Variants in DCT observed in about 807,000 individuals in gnomAD.
DCT encodes the protein L-dopachrome tautomerase.
In DCT, 47 loss-of-function variants were observed where a neutral mutation model predicts 53.0. That is an observed-to-expected ratio of 0.89 (90% CI 0.70 to 1.13). DCT has a LOEUF of 1.13. DCT is among the 50% of genes most tolerant of loss of function. DCT has a pLI of 0.00. For missense variants in DCT, 669 were observed against 637.4 expected (o/e 1.05, Z -0.53); for synonymous variants, 244 against 237.0 (o/e 1.03, Z -0.27).
At chr13:94,484,334 G>A (rs1375819302), upstream of DCT, among the ~76,000 whole-genome samples, 1 of 152,224 alleles carries the variant, frequency 6.6e-6, no homozygotes, top group East Asian at 1.9e-4. Flanking sequence ...CCTTTAGGGA[G>A]AGTCAAGAAG....
At chr13:94,521,866 T>A in the DCT span, among the ~76,000 whole-genome samples, 4 of 152,298 alleles carry the variant, frequency 2.6e-5, no homozygotes, top group African/African-American at 9.6e-5. Flanking sequence ...ATTTGCATTA[T>A]TATAAAAAGA....
At chr13:94,483,215 A>G (rs1351075882), upstream of DCT, among the ~76,000 whole-genome samples, 1 of 151,610 alleles carries the variant, frequency 6.6e-6, no homozygotes, top group Non-Finnish European at 1.5e-5. Context: ...TTGAGGCTAC[A>G]AGTGAGCCGT....
At chr13:94,535,713 G>C in the DCT span, among the ~76,000 whole-genome samples, 5 of 152,176 alleles carry the variant, frequency 3.3e-5, no homozygotes, top group Non-Finnish European at 7.3e-5. Flanking sequence ...TCCTGGGCAG[G>C]TGCAAATGGG....
the DCT span, among the ~76,000 whole-genome samples, chr13:94,496,834 A>G: frequency 2.0e-5 from 3 of 152,162 alleles, no homozygotes; most frequent in Non-Finnish European, 4.4e-5. Context: ...AGGCTCTGGA[A>G]ATAGTGTCTA....
intron 4 of DCT, among the ~76,000 whole-genome samples, chr13:94,464,661 C>A (rs9670826): frequency 0.17 from 25,477 of 148,464 alleles, 2,267 homozygotes; most frequent in Non-Finnish European, 0.19. Context: ...AAACAAAAAA[C>A]AAAAAACAAA....
intron 3 of DCT, among the ~76,000 whole-genome samples, chr13:94,466,145 G>T (rs1884206927): frequency 6.7e-6 from 1 of 150,296 alleles, no homozygotes; most frequent in Non-Finnish European, 1.5e-5. Flanking sequence ...GAAAAACACT[G>T]CACTATCTCA....
the DCT span, among the ~76,000 whole-genome samples, chr13:94,488,950 C>T: frequency 6.6e-6 from 1 of 151,834 alleles, no homozygotes; most frequent in African/African-American, 2.4e-5. Context: ...TATGTTTATG[C>T]TAACATGTAC....
chr13:94,459,785 T>C (rs1883660534), intron 6 of DCT, among the ~76,000 whole-genome samples: 1 of 152,186 alleles, frequency 6.6e-6, no homozygotes, highest in Non-Finnish European at 1.5e-5. Flanking sequence ...CTACTGAACC[T>C]CAACAATACT....
chr13:94,485,003 G>T, the DCT span, among the ~76,000 whole-genome samples: 36 of 152,126 alleles, frequency 2.4e-4, no homozygotes, highest in Non-Finnish European at 3.5e-4. Flanking sequence ...CTACACATTT[G>T]GTTGACCCGT....
intron 6 of DCT, among the ~76,000 whole-genome samples, chr13:94,457,851 T>C (rs9301959): frequency 0.49 from 74,635 of 151,910 alleles, 19,660 homozygotes; most frequent in African/African-American, 0.67. Context: ...AAATCTCTTA[T>C]GACAACTTGA....
In DCT at chr13:94,479,170, C is replaced by A; in HGVS notation, c.86G>T (p.Cys29Phe). 1 of 1,613,604 alleles carries A rather than the reference C, an allele frequency of 6.2e-7. No individual in the cohort carries two copies. The highest frequency in any genetic ancestry group is 1.1e-5 in the South Asian group (1 of 91,074). ...GTTCACTAGGCTGTCCACCGTCATG[C>A]AGACTCGGGGGAACTGACCCTGGGC... ...PGAQGQFPRV[C>F]MTVDSLVNKE... Residue 29 changes from cysteine to phenylalanine, a missense_variant, in exon 1 of 8, where the codon TGC (cysteine) becomes TTC (phenylalanine). Coordinates refer to ENST00000377028, the MANE Select transcript of DCT (RefSeq NM_001922.5).
At chr13:94,476,367 G>A (rs1885085669) in intron 1 of DCT, among the ~76,000 whole-genome samples, 1 of 150,902 alleles carries the variant, frequency 6.6e-6, no homozygotes, top group East Asian at 1.9e-4. Context: ...TGAAGAAGCT[G>A]GTAACAAAAA....
At chr13:94,518,144 AG>A in the DCT span, among the ~76,000 whole-genome samples, 210 of 146,678 alleles carry the variant, frequency 1.4e-3, 1 homozygote, top group African/African-American at 5.4e-3. Context: ...GAAGGAAGGA[AG>A]GAAGGAAGGA....
the DCT span, among the ~76,000 whole-genome samples, chr13:94,547,331 G>A: frequency 3.3e-5 from 5 of 151,848 alleles, no homozygotes; most frequent in African/African-American, 1.2e-4. Flanking sequence ...TGGCCAGGCT[G>A]GTCTCAAACT....
the DCT span, among the ~76,000 whole-genome samples, chr13:94,502,494 C>T: frequency 6.6e-6 from 1 of 152,162 alleles, no homozygotes; most frequent in Non-Finnish European, 1.5e-5. Flanking sequence ...GCTCTTTTTC[C>T]ATTTAATCCT....
chr13:94,545,171 A>G, the DCT span, among the ~76,000 whole-genome samples: 1,572 of 152,196 alleles, frequency 0.01, 28 homozygotes, highest in African/African-American at 0.036. Flanking sequence ...ATTAGAGCAC[A>G]TCACGCTTCA....
the DCT span, among the ~76,000 whole-genome samples, chr13:94,548,159 A>T: frequency 6.6e-6 from 1 of 151,780 alleles, no homozygotes; most frequent in Non-Finnish European, 1.5e-5. Flanking sequence ...TTTAGGAGGT[A>T]GCAATGTTAG....
At chr13:94,485,104 C>T in the DCT span, among the ~76,000 whole-genome samples, 1 of 139,458 alleles carries the variant, frequency 7.2e-6, no homozygotes, top group African/African-American at 2.7e-5. Flanking sequence ...CAAACAAAAG[C>T]GTCTCACTCT....
chr13:94,546,820 C>T, the DCT span, among the ~76,000 whole-genome samples: 2 of 152,090 alleles, frequency 1.3e-5, no homozygotes, highest in Non-Finnish European at 2.9e-5. This position sits in a 1 kb window ranked among gnomAD's most constrained non-coding sequence, Gnocchi z 4.2. Flanking sequence ...GGCAAAATGG[C>T]AGCATTTAAC....
Sources: allele counts gnomAD v4.1 joint callset (sites outside exome capture counted in the v4.1 genomes callset), GRCh38; gene constraint gnomAD v4.1.1; non-coding constraint Gnocchi (gnomAD v3.1); transcripts MANE v1.5; gene names NCBI Gene and HGNC (gene_info 2026-07-23, HGNC 2026-07-21).